Variants in NELL1 observed in about 807,000 individuals in gnomAD.
The protein encoded by NELL1 is protein kinase C-binding protein NELL1.
A neutral mutation model predicts 107.4 loss-of-function variants in NELL1; 76 were observed. The ratio of observed to expected loss-of-function variants is 0.71; its 90% confidence interval spans 0.59 to 0.86. The LOEUF is 0.86. Among genes scored for constraint, NELL1 ranks in the 40% least tolerant of loss-of-function variants. The pLI, the probability that NELL1 is intolerant of heterozygous loss-of-function variation, is 0.00. For missense variants in NELL1, 1,024 were observed against 1,005.5 expected (o/e 1.02, Z -0.25); for synonymous variants, 353 against 341.2 (o/e 1.03, Z -0.38).
chr11:20,976,098 A>T (rs1429936951), intron 12 of NELL1, among the ~76,000 whole-genome samples: 3 of 136,002 alleles, frequency 2.2e-5, no homozygotes, highest in Non-Finnish European at 4.7e-5. Flanking sequence ...ACATTTATAT[A>T]TACACATATC....
chr11:20,902,290 C>A (rs1849893247), intron 5 of NELL1, among the ~76,000 whole-genome samples: 1 of 149,966 alleles, frequency 6.7e-6, no homozygotes, highest in Non-Finnish European at 1.5e-5. Flanking sequence ...TTTTTTAACT[C>A]AATAGGAAGT....
At chr11:20,928,097 T>G (rs778002153) in intron 8 of NELL1, among the ~76,000 whole-genome samples, 4 of 152,234 alleles carry the variant, frequency 2.6e-5, no homozygotes, top group African/African-American at 9.6e-5. Flanking sequence ...GTGTTATTTA[T>G]GTTCTTATAA....
intron 14 of NELL1, chr11:21,284,578 C>T (rs1057317658): frequency 4.4e-6 from 2 of 450,470 alleles, no homozygotes; most frequent in Admixed American, 2.4e-5. Flanking sequence ...GTATCCCAGC[C>T]CCAACAGTTT....
At chr11:21,085,638 A>G (rs1032593519) in intron 12 of NELL1, among the ~76,000 whole-genome samples, 1 of 152,146 alleles carries the variant, frequency 6.6e-6, no homozygotes, top group Non-Finnish European at 1.5e-5. Flanking sequence ...TTAAAAAAAA[A>G]CCAAAAAACA....
intron 12 of NELL1, among the ~76,000 whole-genome samples, chr11:21,008,113 C>G (rs1025391355): frequency 6.6e-6 from 1 of 152,124 alleles, no homozygotes; most frequent in Non-Finnish European, 1.5e-5. Context: ...CTCGCTAGCT[C>G]TCATCTCCTA....
chr11:20,803,227 A>T (rs1161334441), intron 3 of NELL1, among the ~76,000 whole-genome samples: 1 of 152,112 alleles, frequency 6.6e-6, no homozygotes, highest in Non-Finnish European at 1.5e-5. Context: ...TTTTCATTAC[A>T]TCTTGTATCT....
At chr11:21,437,614 C>G (rs950553911) in intron 15 of NELL1, among the ~76,000 whole-genome samples, 1 of 152,206 alleles carries the variant, frequency 6.6e-6, no homozygotes, top group African/African-American at 2.4e-5. Flanking sequence ...TCACCTTGGC[C>G]TCCCAAAATG....
At chr11:21,522,594 A>C (rs1855753409) in intron 15 of NELL1, among the ~76,000 whole-genome samples, 1 of 151,928 alleles carries the variant, frequency 6.6e-6, no homozygotes, top group Non-Finnish European at 1.5e-5. Flanking sequence ...GTGGATGATG[A>C]GAAATTACTT....
At chr11:21,327,162 G>GTTTT (rs369129791) in intron 14 of NELL1, among the ~76,000 whole-genome samples, 1 of 96,944 alleles carries the variant, frequency 1.0e-5, no homozygotes. Context: ...GAGATCTGAT[G>GTTTT]TTTTTTTTTT....
intron 11 of NELL1, among the ~76,000 whole-genome samples, chr11:20,954,820 C>T (rs1276111449): frequency 6.6e-6 from 1 of 152,158 alleles, no homozygotes; most frequent in Non-Finnish European, 1.5e-5. Flanking sequence ...TTACTCAACT[C>T]CGGGCATCAT....
chr11:21,284,563 A>G (rs529962624), intron 14 of NELL1: 3 of 455,766 alleles, frequency 6.6e-6, no homozygotes, highest in African/African-American at 4.0e-5. Context: ...GCCACAATGC[A>G]GTGAGTATCC....
intron 12 of NELL1, among the ~76,000 whole-genome samples, chr11:20,998,551 GTTA>G (rs1313470798): frequency 6.6e-6 from 1 of 152,044 alleles, no homozygotes; most frequent in Admixed American, 6.6e-5. Flanking sequence ...CTCCAGTTCT[GTTA>G]TTATCCAAAT....
chr11:21,074,277 A>G (rs1246249039), intron 12 of NELL1, among the ~76,000 whole-genome samples: 2 of 152,102 alleles, frequency 1.3e-5, no homozygotes, highest in African/African-American at 2.4e-5. Context: ...ACACACTTTA[A>G]CATTTGAGAG....
intron 7 of NELL1, among the ~76,000 whole-genome samples, chr11:20,922,561 A>G (rs77102679): frequency 0.02 from 3,042 of 151,918 alleles, 112 homozygotes; most frequent in African/African-American, 0.069. Context: ...TATGGCACTA[A>G]ATTTATCTGG....
chr11:20,922,794 G>A (rs905242524), intron 7 of NELL1, among the ~76,000 whole-genome samples: 1 of 152,078 alleles, frequency 6.6e-6, no homozygotes, highest in African/African-American at 2.4e-5. Flanking sequence ...ATAGCTTTGA[G>A]TAAGTTATTC....
intron 15 of NELL1, among the ~76,000 whole-genome samples, chr11:21,406,272 C>T (rs1417617953): frequency 6.6e-6 from 1 of 151,882 alleles, no homozygotes; most frequent in Admixed American, 6.6e-5. Flanking sequence ...AGGGGGCAGT[C>T]ATTGGGCTTG....
chr11:21,404,107 ATGTGACAG>A (rs910937787), intron 15 of NELL1, among the ~76,000 whole-genome samples: 23 of 147,760 alleles, frequency 1.6e-4, no homozygotes, highest in Admixed American at 1.5e-3. Flanking sequence ...CACAAAACAC[ATGTGACAG>A]TCAAGCAACT....
At chr11:21,274,765 A>G (rs1449979440) in intron 14 of NELL1, among the ~76,000 whole-genome samples, 1 of 152,218 alleles carries the variant, frequency 6.6e-6, no homozygotes, top group East Asian at 1.9e-4. Flanking sequence ...CCGCTCAACT[A>G]CATGGAAACT....
intron 16 of NELL1, among the ~76,000 whole-genome samples, chr11:21,551,927 C>T (rs1856597637): frequency 6.9e-6 from 1 of 144,730 alleles, no homozygotes; most frequent in Non-Finnish European, 1.5e-5. Flanking sequence ...GAAAATGTGG[C>T]ACATATACAC....
Sources: gnomAD v4.1 joint callset for allele counts (sites outside exome capture counted in the v4.1 genomes callset) on GRCh38, gnomAD v4.1.1 for gene constraint, MANE v1.5 for transcripts, NCBI Gene and HGNC (gene_info 2026-07-23, HGNC 2026-07-21) for gene names.